KYAT3: variants seen among roughly 807,000 people sequenced by gnomAD.
KYAT3 encodes kynurenine aminotransferase 3.
In KYAT3, 50 loss-of-function variants were observed where a neutral mutation model predicts 59.0. The observed-to-expected ratio is 0.85, with a 90% CI of 0.68 to 1.07. The LOEUF (loss-of-function observed/expected upper bound fraction) is 1.07. Ranked by LOEUF, KYAT3 falls within the 50% of genes least tolerant of loss-of-function variation. The pLI, the probability that KYAT3 is intolerant of heterozygous loss-of-function variation, is 0.00. For missense variants in KYAT3, 497 were observed against 533.3 expected (o/e 0.93, Z 0.67); for synonymous variants, 148 against 177.0 (o/e 0.84, Z 1.30).
chr1:88,981,335 T>G (rs1033365873), intron 2 of KYAT3: 1 of 152,266 alleles, frequency 6.6e-6, no homozygotes, highest in Admixed American at 6.5e-5. Context: ...ATAATTCATC[T>G]TAAGTTCTAA....
intron 5 of KYAT3, 142 bp from the exon 6 acceptor site, chr1:88,962,287 C>T (rs970788114): frequency 1.1e-5 from 7 of 644,636 alleles, no homozygotes; most frequent in Non-Finnish European, 1.9e-5. Context: ...GTGGAGCTAA[C>T]ATCTGAGGGG....
chr1:88,991,865 A>T (rs1677816081), intron 1 of KYAT3, among the ~76,000 whole-genome samples: 1 of 152,240 alleles, frequency 6.6e-6, no homozygotes, highest in Non-Finnish European at 1.5e-5. Context: ...AAGCGAAGGA[A>T]GGATTTCTGC....
rs750175019 is a variant in KYAT3, at chr1:88,969,434, T to C, written c.133A>G (p.Ile45Val). 17 of 1,577,506 alleles carry C rather than the reference T, an allele frequency of 1.1e-5. No individual in the cohort carries two copies. The highest frequency in any genetic ancestry group is 1.4e-5 in the Non-Finnish European group (16 of 1,148,234). Residue 45 changes from isoleucine (I) to valine (V), a missense_variant, in exon 3 of 14, where the codon ATT becomes GTT. Around this residue, in one of 2 missense-constraint regions of KYAT3, gnomAD observed 469 missense variants for 479.1 expected, o/e 0.98. Coordinates refer to ENST00000260508, the MANE Select transcript of KYAT3 (RefSeq NM_001008661.3). ...CACACATTACTATCAAGTCCTTCAA[T>C]CCGTTTTGCATTTGTGAATTTCAGT... Reference protein sequence around the residue: ...MSLKFTNAKRIEGLDSNVWIE... With the variant: ...MSLKFTNAKRVEGLDSNVWIE...
At chr1:88,927,650 C>A in the KYAT3 span, among the ~76,000 whole-genome samples, 7 of 152,030 alleles carry the variant, frequency 4.6e-5, no homozygotes, top group African/African-American at 1.7e-4. Context: ...TACCAGTATT[C>A]CCCGATTATG....
chr1:88,986,193 AGAG>A (rs1163356940), intron 2 of KYAT3, among the ~76,000 whole-genome samples: 9 of 119,548 alleles, frequency 7.5e-5, no homozygotes, highest in African/African-American at 8.9e-5. Flanking sequence ...AAAAAAAAAA[AGAG>A]AGAGAGAGAG....
chr1:88,989,578 A>G (rs926657962), intron 1 of KYAT3, among the ~76,000 whole-genome samples: 2 of 152,204 alleles, frequency 1.3e-5, no homozygotes, highest in Non-Finnish European at 2.9e-5. Context: ...GGAAAATGGA[A>G]GAGAAAGGAA....
chr1:88,935,375 AG>A (rs11307624), downstream of KYAT3, among the ~76,000 whole-genome samples: 44,172 of 143,380 alleles, frequency 0.31, 7,065 homozygotes, highest in Admixed American at 0.39. Context: ...AGAGAGAGAG[AG>A]AAAAAAAAAA....
chr1:88,971,822 G>A (rs1676568401), intron 2 of KYAT3, among the ~76,000 whole-genome samples: 1 of 152,140 alleles, frequency 6.6e-6, no homozygotes, highest in African/African-American at 2.4e-5. Context: ...GTCAGGGTCA[G>A]GTGCTTCTCC....
chr1:88,983,994 GC>G, intron 2 of KYAT3: 1 of 575,492 alleles, frequency 1.7e-6, no homozygotes, highest in South Asian at 1.9e-5. Flanking sequence ...TTAAGGTATG[GC>G]TATCCATTCA....
At chr1:88,952,986 C>A in intron 10 of KYAT3, 77 bp downstream of exon 10, 1 of 891,216 alleles carries the variant, frequency 1.1e-6, no homozygotes, top group South Asian at 1.5e-5. Context: ...AGAATTAAGT[C>A]AATTCAAATA....
chr1:88,946,939 T>G (rs978710814), intron 11 of KYAT3, among the ~76,000 whole-genome samples: 2 of 152,232 alleles, frequency 1.3e-5, no homozygotes, highest in Non-Finnish European at 2.9e-5. Flanking sequence ...TATGACTGTA[T>G]GTTGTCTTGG....
chr1:88,965,905 C>G (rs913994947), intron 4 of KYAT3, among the ~76,000 whole-genome samples: 1 of 152,152 alleles, frequency 6.6e-6, no homozygotes, highest in African/African-American at 2.4e-5. Context: ...CTAACAAATT[C>G]TAGCAAGAGG....
chr1:88,927,988 TC>T, the KYAT3 span, among the ~76,000 whole-genome samples: 1 of 152,152 alleles, frequency 6.6e-6, no homozygotes, highest in Non-Finnish European at 1.5e-5. Flanking sequence ...AGCAGGCAGT[TC>T]CCACTGTAGA....
chr1:88,936,665 C>CA (rs11431366), intron 13 of KYAT3, among the ~76,000 whole-genome samples: 43,283 of 150,286 alleles, frequency 0.29, 7,509 homozygotes, highest in Non-Finnish European at 0.39. Context: ...TTGCTCTGAA[C>CA]AAAAAAAAAT....
intron 8 of KYAT3, among the ~76,000 whole-genome samples, chr1:88,958,418 T>TAAAAAA (rs34576826): frequency 1.4e-4 from 19 of 138,974 alleles, no homozygotes; most frequent in African/African-American, 5.1e-4. Flanking sequence ...CTCATCTTTG[T>TAAAAAA]AAAAAAAAAA....
At chr1:88,931,804 C>G (rs1674914459), downstream of KYAT3, among the ~76,000 whole-genome samples, 1 of 135,898 alleles carries the variant, frequency 7.4e-6, no homozygotes, top group African/African-American at 2.7e-5. Context: ...TAAACCCAAG[C>G]ATTCGAGCCA....
chr1:88,931,359 G>A (rs981341549), downstream of KYAT3, among the ~76,000 whole-genome samples: 1 of 152,108 alleles, frequency 6.6e-6, no homozygotes, highest in African/African-American at 2.4e-5. Context: ...TCTTCAAATG[G>A]AGCCCCAGAT....
At chr1:88,991,602 C>G (rs969000049) in intron 1 of KYAT3, among the ~76,000 whole-genome samples, 1 of 152,200 alleles carries the variant, frequency 6.6e-6, no homozygotes, top group African/African-American at 2.4e-5. Context: ...AAAGCCACGT[C>G]TTTAGAACAA....
downstream of KYAT3, chr1:88,935,680 A>G: frequency 4.1e-6 from 1 of 243,286 alleles, no homozygotes; most frequent in Non-Finnish European, 7.8e-6. Context: ...TGGTAAATGA[A>G]GGGGAGGAAC....
Sources: gnomAD v4.1 joint callset for allele counts (sites outside exome capture counted in the v4.1 genomes callset) on GRCh38, gnomAD v4.1.1 for gene constraint, gnomAD v4.1.1 regional missense constraint, MANE v1.5 for transcripts, NCBI Gene and HGNC (gene_info 2026-07-23, HGNC 2026-07-21) for gene names.